Variants in ARL15 observed in about 807,000 individuals in gnomAD.
ARL15 encodes ARF like GTPase 15, also known as ADP-ribosylation factor-like protein 15.
ARL15 carries 19 observed loss-of-function variants against 25.2 expected under a neutral mutation model. The ratio of observed to expected loss-of-function variants is 0.75; its 90% CI spans 0.53 to 1.10. The LOEUF (loss-of-function observed/expected upper bound fraction) is 1.10, where lower values mean the gene tolerates loss of function less well. ARL15 is among the 50% of genes least tolerant of loss of function. The probability of loss-of-function intolerance (pLI) is 0.00; values close to 1 mark genes in which losing one functional copy is unlikely to be tolerated. For synonymous variants in ARL15, 94 were observed against 86.8 expected (o/e 1.08, Z -0.46); for missense variants, 220 against 246.0 (o/e 0.89, Z 0.71).
chr5:54,268,884 C>T (rs559578491), intron 1 of ARL15, among the ~76,000 whole-genome samples: 9 of 152,202 alleles, frequency 5.9e-5, no homozygotes, highest in South Asian at 2.1e-4. Context: ...TGGAATACTA[C>T]GCAGCCATAA....
At chr5:54,236,602 G>C (rs1252189060) in intron 1 of ARL15, among the ~76,000 whole-genome samples, 1 of 152,156 alleles carries the variant, frequency 6.6e-6, no homozygotes, top group Non-Finnish European at 1.5e-5. Context: ...TAGGTAGATG[G>C]AGCAGACTGG....
At chr5:53,938,315 G>C (rs17250294) in intron 4 of ARL15, among the ~76,000 whole-genome samples, 7,954 of 151,942 alleles carry the variant, frequency 0.052, 271 homozygotes, top group Middle Eastern at 0.085. Flanking sequence ...TACTTAGTGA[G>C]CAATTAAACT....
At chr5:54,054,574 A>G (rs1376786763) in intron 4 of ARL15, among the ~76,000 whole-genome samples, 2 of 152,150 alleles carry the variant, frequency 1.3e-5, no homozygotes, top group East Asian at 1.9e-4. Context: ...GCGGACCACA[A>G]GGTCAGGAGA....
intron 1 of ARL15, among the ~76,000 whole-genome samples, chr5:54,236,916 T>C (rs1236845770): frequency 6.6e-6 from 1 of 152,212 alleles, no homozygotes; most frequent in African/African-American, 2.4e-5. Context: ...CAGAATGCAG[T>C]TTCCAGACTC....
chr5:54,043,636 A>G (rs1227315078), intron 4 of ARL15, among the ~76,000 whole-genome samples: 1 of 152,192 alleles, frequency 6.6e-6, no homozygotes, highest in Non-Finnish European at 1.5e-5. Flanking sequence ...CTACATTTCC[A>G]TCATAGGGAA....
chr5:54,095,930 A>C (rs1388359291), intron 4 of ARL15, among the ~76,000 whole-genome samples: 3 of 152,216 alleles, frequency 2.0e-5, no homozygotes, highest in Admixed American at 6.5e-5. Flanking sequence ...ATTTTTAAAA[A>C]AATTTAATGA....
chr5:54,071,467 A>T (rs1751414590), intron 4 of ARL15, among the ~76,000 whole-genome samples: 1 of 144,154 alleles, frequency 6.9e-6, no homozygotes, highest in Non-Finnish European at 1.5e-5. Flanking sequence ...TCTAAATCAG[A>T]TTTTTTTTTC....
intron 4 of ARL15, among the ~76,000 whole-genome samples, chr5:53,967,507 G>A (rs1452073087): frequency 2.0e-5 from 3 of 152,156 alleles, no homozygotes; most frequent in Non-Finnish European, 4.4e-5. Flanking sequence ...GAGACAAAGG[G>A]ATCACAAAGA....
chr5:54,278,217 C>T (rs1757972348), intron 1 of ARL15, among the ~76,000 whole-genome samples: 1 of 152,198 alleles, frequency 6.6e-6, no homozygotes, highest in Non-Finnish European at 1.5e-5. Flanking sequence ...CTTACCCTGA[C>T]ATTCCTAAGA....
rs192139830 is a variant in ARL15, at chr5:54,155,374, A to C, written c.194-735T>G. Among the ~76,000 whole-genome samples the C allele has an allele frequency of 6.7e-3, 1,027 of 152,280 alleles. 6 individuals are homozygous for C. The highest frequency in any genetic ancestry group is 0.028 in the Middle Eastern group (8 of 290). On this transcript the variant is annotated intron_variant, in intron 2 of 4. Coordinates refer to ENST00000504924, the MANE Select transcript of ARL15 (RefSeq NM_019087.3). ...TATAATTCTTTCTCACATATAACTC[A>C]GCAACCCTAGAAATTAAGGTACTTA...
In ARL15 at chr5:53,989,776, T is replaced by C. The variant is rs970632271; in HGVS notation, c.463-103063A>G. ...TTTTGAAAAGAAAAATGAGAGCGACTCCTTCCACAGAATAGTGTGAATTAA... is the reference window on the plus strand; with the variant it reads ...TTTTGAAAAGAAAAATGAGAGCGACCCCTTCCACAGAATAGTGTGAATTAA... On this transcript the variant is annotated intron_variant, in intron 4 of 4. Transcript: ENST00000504924. Among the ~76,000 whole-genome samples the C allele has an allele frequency of 2.0e-5, 3 of 152,306 alleles. No homozygotes were observed. In the South Asian group the frequency reaches 6.2e-4, roughly 32 times the overall value.
intron 4 of ARL15, among the ~76,000 whole-genome samples, chr5:54,060,982 C>A (rs1468397642): frequency 4.6e-5 from 7 of 152,162 alleles, no homozygotes; most frequent in Admixed American, 4.6e-4. Flanking sequence ...AGGAGAAATT[C>A]AAGCCAGCTG....
intron 4 of ARL15, among the ~76,000 whole-genome samples, chr5:53,893,062 A>C (rs962779738): frequency 6.6e-6 from 1 of 152,132 alleles, no homozygotes; most frequent in Non-Finnish European, 1.5e-5. Flanking sequence ...ACCTTTCTTT[A>C]ATCACTAGAG....
At chr5:54,142,982 T>C (rs1720052220) in intron 3 of ARL15, among the ~76,000 whole-genome samples, 1 of 152,218 alleles carries the variant, frequency 6.6e-6, no homozygotes, top group Non-Finnish European at 1.5e-5. Context: ...TATTTTTGTC[T>C]ATTTGCTATT....
At chr5:54,103,047 T>C (rs1752486117) in intron 4 of ARL15, among the ~76,000 whole-genome samples, 1 of 152,130 alleles carries the variant, frequency 6.6e-6, no homozygotes, top group Non-Finnish European at 1.5e-5. Flanking sequence ...CTATGTATAC[T>C]GTGTTTAGGG....
chr5:53,965,106 T>C (rs959106431), intron 4 of ARL15, among the ~76,000 whole-genome samples: 2 of 152,238 alleles, frequency 1.3e-5, no homozygotes, highest in African/African-American at 4.8e-5. Flanking sequence ...CCTCTAATCT[T>C]GACTCTAGAG....
intron 3 of ARL15, among the ~76,000 whole-genome samples, chr5:54,153,388 G>A (rs1754127632): frequency 1.3e-5 from 2 of 151,934 alleles, no homozygotes; most frequent in East Asian, 3.9e-4. Flanking sequence ...TTGTATTTAA[G>A]GTTTTAAGCA....
chr5:54,222,360 T>C (rs1485126280), intron 1 of ARL15, among the ~76,000 whole-genome samples: 1 of 152,194 alleles, frequency 6.6e-6, no homozygotes, highest in African/African-American at 2.4e-5. Flanking sequence ...AGATTCTATT[T>C]AGTCAATGAT....
chr5:53,895,064 C>T (rs1464088447), intron 4 of ARL15, among the ~76,000 whole-genome samples: 2 of 152,170 alleles, frequency 1.3e-5, no homozygotes, highest in Non-Finnish European at 2.9e-5. Context: ...TCCCACACGG[C>T]CTAGAATATT....
Sources: gnomAD v4.1 joint callset for allele counts (sites outside exome capture counted in the v4.1 genomes callset) on GRCh38, gnomAD v4.1.1 for gene constraint, MANE v1.5 for transcripts, NCBI Gene and HGNC (gene_info 2026-07-23, HGNC 2026-07-21) for gene names.